Variants in ZNF28 observed in about 807,000 individuals in gnomAD.
ZNF28 encodes zinc finger protein KOX24.
In ZNF28, 5 loss-of-function variants were observed where a neutral mutation model predicts 7.2. The observed-to-expected ratio is 0.70, with a 90% CI of 0.36 to 1.46. The LOEUF (loss-of-function observed/expected upper bound fraction) is 1.46. Ranked by LOEUF, ZNF28 falls within the 40% of genes most tolerant of loss-of-function variation. ZNF28 has a pLI of 0.03. For missense variants in ZNF28, 879 were observed against 866.6 expected, an observed-to-expected ratio of 1.01 and a Z score of -0.18; for synonymous variants, 288 against 292.4, an observed-to-expected ratio of 0.99 and a Z score of 0.15.
intron 2 of ZNF28, chr19:52,810,672 C>T (rs2063009276): frequency 2.1e-6 from 2 of 961,912 alleles, no homozygotes; most frequent in African/African-American, 1.6e-5. Flanking sequence ...TCTACAGGGG[C>T]CGGGCTAGAG....
intron 2 of ZNF28, among the ~76,000 whole-genome samples, chr19:52,808,665 T>C (rs1291306737): frequency 6.7e-6 from 1 of 149,688 alleles, no homozygotes; most frequent in Non-Finnish European, 1.5e-5. Context: ...ACAAAAAACA[T>C]TAGCTGGACC....
At chr19:52,816,718 G>C (rs1397130177) in intron 2 of ZNF28, among the ~76,000 whole-genome samples, 1 of 120,868 alleles carries the variant, frequency 8.3e-6, no homozygotes, top group African/African-American at 4.0e-5. Flanking sequence ...TATAATCCCA[G>C]CTACTAGGTG....
rs2062836218 is a variant in ZNF28 at position 52,799,694 on chromosome 19, T to C, written c.2151A>G (p.Lys717=). The C allele has an allele frequency of 6.5e-7, 1 of 1,537,456 alleles. No homozygotes were observed. Among genetic ancestry groups the C allele is most frequent in the Non-Finnish European group, 9.0e-7 (1 of 1,117,286 alleles). The stretch of plus-strand genomic sequence containing the variant: ...TGCCACACTCATTACACTTTCAAGG[T>C]TTCTCTCCACTATGAAGTCTATGAT... ...VYHHRLHSGE[K]P The change falls in exon 4 of 4, where the codon AAA becomes AAG. Residue 717 remains lysine (K), a synonymous_variant. Coordinates refer to ENST00000457749, the MANE Select transcript of ZNF28 (RefSeq NM_006969.5).
intron 2 of ZNF28, chr19:52,810,765 G>T (rs1202492916): frequency 4.3e-6 from 2 of 466,236 alleles, no homozygotes; most frequent in Non-Finnish European, 3.7e-6. Context: ...GAAAAAAAAA[G>T]AATAAAAAAA....
chr19:52,801,235 G>T lies in ZNF28; in HGVS notation c.610C>A (p.Gln204Lys). 1 of 1,614,100 alleles carries T rather than the reference G, an allele frequency of 6.2e-7. No individual in the cohort carries two copies. Among genetic ancestry groups the T allele is most frequent in the Non-Finnish European group, 8.5e-7 (1 of 1,180,036 alleles). Reference sequence around the variant, plus strand: ...TCTCTCATGTGTACATTCCGTTTTTGTGTGAGTAATGAAGAATGGAGGGAA... The same window carrying T: ...TCTCTCATGTGTACATTCCGTTTTTTTGTGAGTAATGAAGAATGGAGGGAA... ...NNSLHSSLLT[Q>K]KRNVHMREKS... The change falls in exon 4 of 4, where the codon CAA becomes AAA. Residue 204 changes from glutamine to lysine, a missense_variant. Physicochemically the swap from Gln to Lys is moderately conservative, Grantham distance 53. Around this residue, in one of 2 missense-constraint regions of ZNF28, gnomAD observed 864 missense variants for 830.2 expected, o/e 1.04. Coordinates refer to ENST00000457749, the MANE Select transcript of ZNF28 (RefSeq NM_006969.5).
At chr19:52,802,337 C>T (rs898235396) in intron 3 of ZNF28, among the ~76,000 whole-genome samples, 7 of 151,890 alleles carry the variant, frequency 4.6e-5, no homozygotes, top group East Asian at 1.9e-4. Context: ...CACTGCACTC[C>T]AGCCCAGGTG....
At chr19:52,820,791 A>C (rs1175111505) in intron 1 of ZNF28, among the ~76,000 whole-genome samples, 1 of 151,800 alleles carries the variant, frequency 6.6e-6, no homozygotes, top group African/African-American at 2.4e-5. Flanking sequence ...CTTATCTTTT[A>C]TCACTTTTGC....
intron 3 of ZNF28, chr19:52,807,794 T>G: frequency 1.1e-6 from 1 of 870,282 alleles, no homozygotes. Flanking sequence ...GTTTTATGCC[T>G]ACTTTACTTC....
chr19:52,804,449 C>A (rs2062911633), intron 3 of ZNF28, among the ~76,000 whole-genome samples: 1 of 152,148 alleles, frequency 6.6e-6, no homozygotes, highest in South Asian at 2.1e-4. Context: ...TGGCGCACTG[C>A]AACCTCCACC....
Position 52,800,776 on chromosome 19 carries a change from A to C in ZNF28, c.1069T>G (p.Cys357Gly). The change falls in exon 4 of 4, where the codon TGT becomes GGT. Residue 357 changes from cysteine to glycine, a missense_variant. By Grantham distance (159) the Cys-to-Gly change is radical. Around this residue, in one of 2 missense-constraint regions of ZNF28, gnomAD observed 864 missense variants for 830.2 expected, o/e 1.04. Transcript: ENST00000457749. ...TTAAAAACCTTGCCACATTCATTAC[A>C]CTTGTAAGGTTTCTCTCCAGTGTGA... is the stretch of plus-strand genomic sequence containing the variant. ...IIHTGEKPYKCNECGKVFNRL... is the reference protein window; with the variant it reads ...IIHTGEKPYKGNECGKVFNRL... The C allele has an allele frequency of 6.2e-7, 1 of 1,614,136 alleles. No individual in the cohort carries two copies. Among genetic ancestry groups the C allele is most frequent in the Non-Finnish European group, 8.5e-7 (1 of 1,180,010 alleles).
chr19:52,800,668 T>G lies in ZNF28; in HGVS notation c.1177A>C (p.Ser393Arg). ...YECEECEKVF[S>R]RKSHLERHKR... ...TGTCTTTCAAGATGTGATTTGCGACTGAAAACTTTTTCACATTCTTCACAT... is the reference window on the plus strand; with the variant it reads ...TGTCTTTCAAGATGTGATTTGCGACGGAAAACTTTTTCACATTCTTCACAT... The change falls in exon 4 of 4, where the codon AGT becomes CGT. Residue 393 changes from serine to arginine, a missense_variant. Ser to Arg is a moderately radical substitution (Grantham distance 110). Coordinates refer to ENST00000457749, the MANE Select transcript of ZNF28 (RefSeq NM_006969.5). The G allele has an allele frequency of 1.2e-6, 2 of 1,613,488 alleles. No homozygotes were observed. Among genetic ancestry groups the G allele is most frequent in the African/African-American group, 2.7e-5 (2 of 75,038 alleles).
chr19:52,797,409 C>T lies in ZNF28; in HGVS notation c.*2279G>A, dbSNP rs554616867. 4 of 152,306 alleles carry T rather than the reference C, an allele frequency of 2.6e-5. No individual in the cohort carries two copies. In the South Asian group the frequency reaches 8.3e-4, roughly 32 times the overall value. 9.4% of individuals were successfully genotyped at this position (152,306 alleles called of 1,614,324 possible). On this transcript the variant is annotated 3_prime_UTR_variant, in exon 4 of 4. Coordinates refer to ENST00000457749, the MANE Select transcript of ZNF28 (RefSeq NM_006969.5). ...CAATAGAAATCGAACTCATCCAAAT[C>T]AGAAAGAAAGAAGTCAAATTTTATT...
intron 2 of ZNF28, chr19:52,810,741 A>G: frequency 1.5e-6 from 1 of 685,132 alleles, no homozygotes; most frequent in Non-Finnish European, 2.6e-6. Flanking sequence ...GAGGAAAAAA[A>G]GAGGAAAGAA....
In ZNF28 at chr19:52,801,656, T is replaced by C. The variant is rs1568647957; in HGVS notation, c.189A>G (p.Gln63=). 1 of 1,612,704 alleles carries C rather than the reference T, an allele frequency of 6.2e-7. No individual in the cohort carries two copies. The highest frequency in any genetic ancestry group is 8.5e-7 in the Non-Finnish European group (1 of 1,179,464). The change falls in exon 4 of 4, where the codon CAA becomes CAG. Residue 63 remains glutamine, a synonymous_variant. Coordinates refer to ENST00000457749, the MANE Select transcript of ZNF28 (RefSeq NM_006969.5). ...CMMKTFFSTG[Q]GNTEAFHTGT... is the part of the protein sequence containing the mutation. ...CTGTGTGGAACGCTTCTGTATTGCC[T>C]TGCCCTGTTGAGAAGAATGTCTTCA...
At position 52,817,927 on chromosome 19, in the gene ZNF28, C is replaced by G. The variant is rs187333485; in HGVS notation, c.15+17G>C. The G allele has an allele frequency of 5.5e-5, 88 of 1,610,110 alleles. 1 individual carries two copies. In the East Asian group the frequency reaches 1.5e-3, roughly 27 times the overall value. ...AAAGGAAGGAGACAGAGCAATCCACCGAGAATACCATCTCACCTGAGGAAG... is the reference window on the plus strand; with the variant it reads ...AAAGGAAGGAGACAGAGCAATCCACGGAGAATACCATCTCACCTGAGGAAG... On this transcript the variant is annotated intron_variant, in intron 2 of 3. Coordinates refer to ENST00000457749, the MANE Select transcript of ZNF28 (RefSeq NM_006969.5).
At chr19:52,813,322 C>T (rs1234422150) in intron 2 of ZNF28, among the ~76,000 whole-genome samples, 1 of 143,944 alleles carries the variant, frequency 6.9e-6, no homozygotes, top group Non-Finnish European at 1.5e-5. Flanking sequence ...GAGGAGGGAC[C>T]TGTTTTGGGG....
Position 52,801,202 on chromosome 19 carries a change from A to C in ZNF28, c.643T>G (p.Phe215Val). The C allele has an allele frequency of 6.2e-7, 1 of 1,614,118 alleles. No homozygotes were observed. Among genetic ancestry groups the C allele is most frequent in the Non-Finnish European group, 8.5e-7 (1 of 1,180,036 alleles). Reference protein sequence around the residue: ...KRNVHMREKSFQCIESGKSFN... With the variant: ...KRNVHMREKSVQCIESGKSFN... Reference sequence around the variant, plus strand: ...GATTTGCCACTCTCAATACATTGGAAAGATTTTTCTCTCATGTGTACATTC... The same window carrying C: ...GATTTGCCACTCTCAATACATTGGACAGATTTTTCTCTCATGTGTACATTC... The change falls in exon 4 of 4, where the codon TTC (phenylalanine) becomes GTC (valine). Residue 215 changes from phenylalanine (F) to valine (V), a missense_variant. Around this residue, in one of 2 missense-constraint regions of ZNF28, gnomAD observed 864 missense variants for 830.2 expected, o/e 1.04. Coordinates refer to ENST00000457749, the MANE Select transcript of ZNF28 (RefSeq NM_006969.5).
In ZNF28 at chr19:52,798,427, G is replaced by A; in HGVS notation, c.*1261C>T. The stretch of plus-strand genomic sequence containing the variant: ...ATGCTTGATGGCTTGCTATACTAAT[G>A]GCATTTGAAACAACTGTCTCCAAAA... On this transcript the variant is annotated 3_prime_UTR_variant, in exon 4 of 4. Transcript: ENST00000457749. The A allele has an allele frequency of 4.7e-6, 2 of 422,580 alleles. No homozygotes were observed. Among genetic ancestry groups the A allele is most frequent in the African/African-American group, 2.1e-5 (1 of 48,302 alleles). The allele number at this position is 422,580 out of a possible 1,614,324, so 26.2% of individuals were successfully genotyped here.
chr19:52,812,069 C>T (rs1270284454), intron 2 of ZNF28, among the ~76,000 whole-genome samples: 5 of 86,012 alleles, frequency 5.8e-5, no homozygotes, highest in Admixed American at 1.0e-4. Flanking sequence ...TGAGGGGCGC[C>T]TCTGCCCGGC....
Sources: allele counts gnomAD v4.1 joint callset (sites outside exome capture counted in the v4.1 genomes callset), GRCh38; gene constraint gnomAD v4.1.1; regional missense constraint gnomAD v4.1.1; transcripts MANE v1.5; gene names NCBI Gene and HGNC (gene_info 2026-07-23, HGNC 2026-07-21).